LTBP4: variants seen among roughly 807,000 people sequenced by gnomAD.
The protein encoded by LTBP4 is latent-transforming growth factor beta-binding protein 4.
Under a neutral mutation model 180.2 loss-of-function variants are expected in LTBP4, and 93 were observed. That is an observed-to-expected ratio of 0.52 (90% confidence interval 0.44 to 0.61). The LOEUF (loss-of-function observed/expected upper bound fraction) is 0.61. LTBP4 is among the 20% of genes least tolerant of loss of function. LTBP4 has a pLI of 0.00. For missense variants in LTBP4, 2,116 were observed against 2,256.5 expected (o/e 0.94, Z 1.26); for synonymous variants, 947 against 934.5 (o/e 1.01, Z -0.24).
upstream of LTBP4, chr19:40,597,128 T>A (rs1414750317): frequency 1.9e-6 from 2 of 1,069,240 alleles, no homozygotes; most frequent in African/African-American, 1.7e-5. Context: ...GTGGAGAAAG[T>A]GAGTCGGCCT....
In LTBP4 at chr19:40,609,340, G is replaced by T. The variant is rs1006359718; in HGVS notation, c.1427-190G>T. ...AGACCTTGGGGTGGCATGATGAGGG[G>T]ATTCGGCCAAGGATCTGATGAGAAC... On this transcript the variant is annotated intron_variant, in intron 9 of 29. Coordinates refer to ENST00000396819, the MANE Select transcript of LTBP4 (RefSeq NM_001042545.2). The surrounding 1 kb of genome is among the most constrained non-coding windows in gnomAD (Gnocchi z 4.9). Among the ~76,000 whole-genome samples the T allele has an allele frequency of 6.6e-6, 1 of 152,172 alleles. No individual in the cohort carries two copies. Among genetic ancestry groups the T allele is most frequent in the African/African-American group, 2.4e-5 (1 of 41,428 alleles).
chr19:40,606,090 A>G, intron 4 of LTBP4, 143 bp from the exon 5 acceptor site: 2 of 863,010 alleles, frequency 2.3e-6, no homozygotes, highest in Non-Finnish European at 3.7e-6. Flanking sequence ...CAATGTTGCC[A>G]TTTCAACTGC....
At chr19:40,604,244 A>G (rs2146019428) in intron 1 of LTBP4, among the ~76,000 whole-genome samples, 1 of 152,004 alleles carries the variant, frequency 6.6e-6, no homozygotes, top group Admixed American at 6.5e-5. Context: ...CCGCGGGTAG[A>G]AGGTAATGTG....
At chr19:40,599,726 A>G (rs1047210139), upstream of LTBP4, 5 of 623,054 alleles carry the variant, frequency 8.0e-6, no homozygotes, top group East Asian at 5.5e-5. Context: ...TTGCCTGCCT[A>G]TCTCAGGCTC....
rs2081596445 is a variant in LTBP4, at chr19:40,622,881, TG to T, written c.3485-66del. ...GGGCCAGAGGGACTTTTGTGACAAG[TG>T]GGCACGAGCAGGTCAGGGCTGGGGC... On this transcript the variant is annotated intron_variant, in intron 23 of 29. Coordinates refer to ENST00000396819, the MANE Select transcript of LTBP4 (RefSeq NM_001042545.2). This position sits in a 1 kb window ranked among gnomAD's most constrained non-coding sequence, Gnocchi z 5.1. 2 of 1,514,954 alleles carry T rather than the reference TG, an allele frequency of 1.3e-6. No individual in the cohort carries two copies. The highest frequency in any genetic ancestry group is 2.8e-5 in the African/African-American group (2 of 72,704). The allele number at this position is 1,514,954 out of a possible 1,614,324, so 93.8% of individuals were successfully genotyped here. A position where few individuals can be genotyped will look rare whatever the true frequency, so the allele number is the denominator to read the frequency against.
chr19:40,614,646 TTCCAGCCGCAG>T, intron 19 of LTBP4, among the ~76,000 whole-genome samples, 200 bp downstream of exon 19: 1 of 152,314 alleles, frequency 6.6e-6, no homozygotes, highest in South Asian at 2.1e-4. Context: ...CAAGCCTCCC[TTCCAGCCGCAG>T]TCCATTCCCC....
rs574172342 is a variant in LTBP4 at position 40,611,877 on chromosome 19, G to A, written c.2072G>A (p.Arg691Gln). ...GCCCCAGATGTGGATGAGTGTGCCCGAAGCCCCCCACCCTGCACCTACGGC... is the reference window on the plus strand; with the variant it reads ...GCCCCAGATGTGGATGAGTGTGCCCAAAGCCCCCCACCCTGCACCTACGGC... ...APCQDVDECA[R>Q]SPPPCTYGRC... The change falls in exon 14 of 30, where the codon CGA (arginine) becomes CAA (glutamine). Residue 691 changes from arginine to glutamine, a missense_variant. By Grantham distance (43) the Arg-to-Gln change is conservative. This residue lies in a region of LTBP4 where 877 missense variants were observed against 873.6 expected (regional missense o/e 1.00). Transcript: ENST00000396819. The surrounding 1 kb of genome is among the most constrained non-coding windows in gnomAD (Gnocchi z 4.4). 32 of 1,607,734 alleles carry A rather than the reference G, an allele frequency of 2.0e-5. No individual in the cohort carries two copies. Among genetic ancestry groups the A allele is most frequent in the South Asian group, 3.4e-5 (3 of 89,542 alleles).
In LTBP4 at chr19:40,627,797, G is replaced by A. The variant is rs376792458; in HGVS notation, c.4459G>A (p.Gly1487Ser). 2.3e-5 allele frequency: 36 copies of A among 1,569,556 alleles called. No individual in the cohort carries two copies. Among genetic ancestry groups the A allele is most frequent in the Non-Finnish European group, 2.8e-5 (33 of 1,162,196 alleles). ...CGGCCGCTGCGTGCGCGTCCCCGAAGGCTTCACCTGCCGTTGCTTCGACGG... is the reference window on the plus strand; with the variant it reads ...CGGCCGCTGCGTGCGCGTCCCCGAAAGCTTCACCTGCCGTTGCTTCGACGG... The part of the protein sequence containing the change: ...TNGRCVRVPE[G>S]FTCRCFDGYR... Residue 1487 changes from glycine to serine, a missense_variant, in exon 29 of 30, where the codon GGC (glycine) becomes AGC (serine). Physicochemically the swap from Gly to Ser is moderately conservative, Grantham distance 56. Around this residue, in one of 5 missense-constraint regions of LTBP4, gnomAD observed 488 missense variants for 458.8 expected, o/e 1.06. Transcript: ENST00000396819.
At chr19:40,617,470 C>A (rs907318135) in intron 21 of LTBP4, among the ~76,000 whole-genome samples, 2 of 151,928 alleles carry the variant, frequency 1.3e-5, no homozygotes, top group African/African-American at 4.8e-5. Context: ...ATGGTGAAAC[C>A]CCGTCTCTAC....
At chr19:40,627,597 A>G (rs1241180065) in intron 28 of LTBP4, 108 bp from the exon 29 acceptor site, 2 of 1,434,912 alleles carry the variant, frequency 1.4e-6, no homozygotes, top group Non-Finnish European at 1.9e-6. Context: ...CTGGAGCGGG[A>G]TGGACAGTTT....
At position 40,627,745 on chromosome 19, in the gene LTBP4, G is replaced by A. The variant is rs1438191108; in HGVS notation, c.4407G>A (p.Glu1469=). Residue 1469 remains glutamate (E), a synonymous_variant, in exon 29 of 30, where the codon GAG becomes GAA. Coordinates refer to ENST00000396819, the MANE Select transcript of LTBP4 (RefSeq NM_001042545.2). ...CCTACGAGGAGCTGGAGGCGGAGGA[G>A]TGCGGGATCCTGGACGGCTGCACCA... ...AEPYEELEAE[E]CGILDGCTNG... is the part of the protein sequence containing the mutation. 1.3e-6 allele frequency: 2 copies of A among 1,596,994 alleles called. No individual in the cohort carries two copies. Among genetic ancestry groups the A allele is most frequent in the East Asian group, 4.5e-5 (2 of 44,102 alleles).
chr19:40,598,972 A>C (rs1014205701), upstream of LTBP4, among the ~76,000 whole-genome samples: 3 of 152,222 alleles, frequency 2.0e-5, no homozygotes. Context: ...AAATCTCTTC[A>C]TAAGACAAAA....
intron 11 of LTBP4, chr19:40,610,124 C>G: frequency 1.9e-6 from 1 of 536,174 alleles, no homozygotes; most frequent in Non-Finnish European, 3.2e-6. Flanking sequence ...TGCTCCGCCC[C>G]CACGCCCAGG....
Position 40,613,684 on chromosome 19 carries a change from G to C in LTBP4, c.2557+155G>C. ...GCTGGTGGGAGTCTCGAGGCAGTGA[G>C]GGGGGGCGGGGCGTGGAGATGAAAG... On this transcript the variant is annotated intron_variant, in intron 17 of 29. Coordinates refer to ENST00000396819, the MANE Select transcript of LTBP4 (RefSeq NM_001042545.2). The surrounding 1 kb of genome is among the most constrained non-coding windows in gnomAD (Gnocchi z 5.0). The C allele has an allele frequency of 7.8e-7, 1 of 1,288,804 alleles. No individual in the cohort carries two copies. Among genetic ancestry groups the C allele is most frequent in the Non-Finnish European group, 1.1e-6 (1 of 926,782 alleles). 79.8% of individuals were successfully genotyped at this position (1,288,804 alleles called of 1,614,324 possible).
intron 29 of LTBP4, among the ~76,000 whole-genome samples, chr19:40,628,541 C>T (rs1365559552): frequency 1.3e-5 from 2 of 152,244 alleles, no homozygotes; most frequent in East Asian, 1.9e-4. Flanking sequence ...TCGAGGAGGT[C>T]ACATAGACCT....
At chr19:40,601,218 G>A (rs991217240), upstream of LTBP4, among the ~76,000 whole-genome samples, 3 of 151,738 alleles carry the variant, frequency 2.0e-5, no homozygotes, top group Non-Finnish European at 4.4e-5. Flanking sequence ...CGAGCCTCTG[G>A]CTAAGCGCCC....
rs547405457 is a variant in LTBP4 at position 40,613,539 on chromosome 19, C to A, written c.2557+10C>A. 6.4e-7 allele frequency: 1 copy of A among 1,561,776 alleles called. No individual in the cohort carries two copies. The highest frequency in any genetic ancestry group is 2.4e-5 in the East Asian group (1 of 41,930). ...GGAGCCTCTTGCCTCGGTTCGTACC[C>A]GGGCTGATCCTGGCCCCGGAAAGGG... On this transcript the variant is annotated intron_variant, in intron 17 of 29. Transcript: ENST00000396819. The surrounding 1 kb of genome is among the most constrained non-coding windows in gnomAD (Gnocchi z 5.0).
rs11083564 is a variant in LTBP4, at chr19:40,614,379, C to T, written c.2745C>T (p.Pro915=). Residue 915 remains proline (P), a synonymous_variant, in exon 19 of 30, where the codon CCC becomes CCT. Transcript: ENST00000396819. The stretch of plus-strand genomic sequence containing the variant: ...GGTCGCAGCGCTGTGAGAACTCTCC[C>T]GGCTCCTACCGCTGTGTCCGGGACT... ...LCGSQRCENS[P]GSYRCVRDCD... 10 of 1,600,510 alleles carry T rather than the reference C, an allele frequency of 6.2e-6. No homozygotes were observed. The East Asian group carries it at 2.0e-4, about 32-fold the overall frequency.
intron 29 of LTBP4, among the ~76,000 whole-genome samples, chr19:40,628,311 C>T (rs1267965294): frequency 1.3e-5 from 2 of 152,080 alleles, no homozygotes; most frequent in Non-Finnish European, 2.9e-5. Context: ...GAGGCCGAGG[C>T]GGGCGGATCA....
Sources: allele counts gnomAD v4.1 joint callset (sites outside exome capture counted in the v4.1 genomes callset), GRCh38; gene constraint gnomAD v4.1.1; regional missense constraint gnomAD v4.1.1; non-coding constraint Gnocchi (gnomAD v3.1); transcripts MANE v1.5; gene names NCBI Gene and HGNC (gene_info 2026-07-23, HGNC 2026-07-21).